Variants in GNS observed in about 807,000 individuals in gnomAD.
GNS encodes N-acetylglucosamine-6-sulfatase.
Under a neutral mutation model 69.7 loss-of-function variants are expected in GNS, and 40 were observed. The observed-to-expected ratio is 0.57, with a 90% CI of 0.45 to 0.75. The LOEUF is 0.75. Among genes scored for constraint, GNS ranks in the 30% least tolerant of loss-of-function variants. The probability of loss-of-function intolerance (pLI) is 0.00; values close to 1 mark genes in which losing one functional copy is unlikely to be tolerated. For missense variants in GNS, 565 were observed against 685.5 expected, an observed-to-expected ratio of 0.82 and a Z score of 1.96; for synonymous variants, 243 against 251.6, an observed-to-expected ratio of 0.97 and a Z score of 0.32.
intron 11 of GNS, among the ~76,000 whole-genome samples, chr12:64,722,322 TGAC>T (rs952080381): frequency 2.6e-5 from 4 of 152,122 alleles, no homozygotes; most frequent in African/African-American, 9.7e-5. Flanking sequence ...CCAGCCCAAA[TGAC>T]TCATTTCTAA....
intron 13 of GNS, among the ~76,000 whole-genome samples, chr12:64,717,518 A>ATTTT (rs57088346): frequency 9.8e-4 from 129 of 131,412 alleles, no homozygotes; most frequent in African/African-American, 2.3e-3. Context: ...CACCTGGCTA[A>ATTTT]TTTTTTTTTT....
At chr12:64,746,491 C>T (rs1048809889) in intron 3 of GNS, among the ~76,000 whole-genome samples, 5 of 152,120 alleles carry the variant, frequency 3.3e-5, no homozygotes, top group South Asian at 2.1e-4. Context: ...AAATCTGAAA[C>T]GCAAAATACT....
At chr12:64,724,703 A>T (rs1592493605) in intron 10 of GNS, among the ~76,000 whole-genome samples, 1 of 152,116 alleles carries the variant, frequency 6.6e-6, no homozygotes, top group African/African-American at 2.4e-5. Context: ...ACTAAAAAAT[A>T]CCAAAAAACT....
At chr12:64,739,617 A>C in intron 7 of GNS, 118 bp from the exon 8 acceptor site, 1 of 659,892 alleles carries the variant, frequency 1.5e-6, no homozygotes, top group Non-Finnish European at 2.7e-6. Context: ...TTAAAAAAAA[A>C]AATCCAAAAC....
At chr12:64,731,762 T>C (rs1869398015) in intron 9 of GNS, among the ~76,000 whole-genome samples, 1 of 152,312 alleles carries the variant, frequency 6.6e-6, no homozygotes, top group Middle Eastern at 3.4e-3. Flanking sequence ...TGCTTTTGTC[T>C]AGTATAAACT....
At chr12:64,755,240 G>A (rs761754636) in intron 1 of GNS, among the ~76,000 whole-genome samples, 2 of 152,084 alleles carry the variant, frequency 1.3e-5, no homozygotes, top group Admixed American at 6.5e-5. Flanking sequence ...GCTCTGAAAC[G>A]ACAATTCTGA....
At chr12:64,736,159 C>A (rs186731061) in intron 9 of GNS, among the ~76,000 whole-genome samples, 34 of 152,344 alleles carry the variant, frequency 2.2e-4, no homozygotes, top group Middle Eastern at 3.4e-3. Context: ...GCTGTCAATT[C>A]TTTTCTCCTG....
At chr12:64,753,891 C>G (rs911722448) in intron 1 of GNS, among the ~76,000 whole-genome samples, 5 of 152,186 alleles carry the variant, frequency 3.3e-5, no homozygotes, top group Admixed American at 6.5e-5. Flanking sequence ...ATACTCTCCT[C>G]AAAGCATCAC....
intron 2 of GNS, among the ~76,000 whole-genome samples, chr12:64,750,784 T>C (rs531468100): frequency 6.6e-6 from 1 of 152,148 alleles, no homozygotes; most frequent in South Asian, 2.1e-4. Context: ...TGCATGCCTG[T>C]AGTCCGAGTT....
At chr12:64,758,497 G>T (rs1870347854) in intron 1 of GNS, among the ~76,000 whole-genome samples, 1 of 151,850 alleles carries the variant, frequency 6.6e-6, no homozygotes, top group African/African-American at 2.4e-5. Context: ...TAGAATTATT[G>T]TATTTCTAGT....
chr12:64,731,863 G>A (rs1257998090), intron 9 of GNS, among the ~76,000 whole-genome samples: 1 of 152,158 alleles, frequency 6.6e-6, no homozygotes, highest in Non-Finnish European at 1.5e-5. Flanking sequence ...TTGAGCTCAG[G>A]AGGCCAAGGC....
intron 3 of GNS, among the ~76,000 whole-genome samples, chr12:64,747,217 C>T (rs1013893629): frequency 6.6e-6 from 1 of 152,176 alleles, no homozygotes; most frequent in Non-Finnish European, 1.5e-5. Flanking sequence ...AATCTCTGCA[C>T]ATTTTGTTGC....
chr12:64,722,376 G>A (rs1314606326), intron 11 of GNS, among the ~76,000 whole-genome samples: 1 of 152,138 alleles, frequency 6.6e-6, no homozygotes, highest in Non-Finnish European at 1.5e-5. Context: ...TGGAGGAGAA[G>A]GCTAAAATGA....
rs758470076 is a variant in GNS, at chr12:64,743,162, CT to C, written c.770del (p.Lys257ArgfsTer13). The C allele has an allele frequency of 6.2e-7, 1 of 1,613,530 alleles. No homozygotes were observed. The highest frequency in any genetic ancestry group is 8.5e-7 in the Non-Finnish European group (1 of 1,179,536). On this transcript the variant is annotated frameshift_variant, in exon 6 of 14. Coordinates refer to ENST00000258145, the MANE Select transcript of GNS (RefSeq NM_002076.4). LOFTEE classifies it high-confidence loss of function. ...CTACCGTTCCATGGATGTTGAAGTT[CT>C]TGTTTCTTGGTGCAAAGACATTCTG... ...AFQNVFAPRN[K>X]NFNIHGTNKH... is the part of the protein sequence containing the mutation.
At chr12:64,755,176 C>T (rs983677239) in intron 1 of GNS, among the ~76,000 whole-genome samples, 2 of 152,118 alleles carry the variant, frequency 1.3e-5, no homozygotes, top group Admixed American at 1.3e-4. Context: ...CAAGCAGAAC[C>T]CTTTTCATTA....
chr12:64,755,377 A>C (rs1227431038), intron 1 of GNS, among the ~76,000 whole-genome samples: 2 of 152,038 alleles, frequency 1.3e-5, no homozygotes, highest in Non-Finnish European at 2.9e-5. Context: ...CAAGAGTTCA[A>C]GATCAGCCTG....
chr12:64,747,834 T>A lies in GNS; in HGVS notation c.337A>T (p.Thr113Ser). The change falls in exon 3 of 14, where the codon ACT (threonine) becomes TCT (serine). Residue 113 changes from threonine (T) to serine (S), a missense_variant. By Grantham distance (58) the Thr-to-Ser change is moderately conservative. This residue lies in a region of GNS where 181 missense variants were observed against 174.4 expected (regional missense o/e 1.04). Coordinates refer to ENST00000258145, the MANE Select transcript of GNS (RefSeq NM_002076.4). ...YPHNHHVVNNTLEGNCSSKSW... is the reference protein window; with the variant it reads ...YPHNHHVVNNSLEGNCSSKSW... ...TTACTACTGCAGTTCCCCTCCAGAG[T>A]GTTGTTCACAACGTGATGATTATGT... 1 of 1,608,802 alleles carries A rather than the reference T, an allele frequency of 6.2e-7. No homozygotes were observed. The highest frequency in any genetic ancestry group is 8.5e-7 in the Non-Finnish European group (1 of 1,175,144).
chr12:64,741,975 T>C (rs1418729150), intron 6 of GNS, among the ~76,000 whole-genome samples: 3 of 152,192 alleles, frequency 2.0e-5, no homozygotes, highest in Admixed American at 6.5e-5. Flanking sequence ...TATTTTACTA[T>C]TTTTTAATTT....
At chr12:64,755,064 G>A (rs569922266) in intron 1 of GNS, among the ~76,000 whole-genome samples, 3 of 152,152 alleles carry the variant, frequency 2.0e-5, no homozygotes, top group African/African-American at 4.8e-5. Flanking sequence ...CCTTAAGATC[G>A]AAGCAAAGAC....
Sources: gnomAD v4.1 joint callset for allele counts (sites outside exome capture counted in the v4.1 genomes callset) on GRCh38, gnomAD v4.1.1 for gene constraint, gnomAD v4.1.1 regional missense constraint, MANE v1.5 for transcripts, NCBI Gene and HGNC (gene_info 2026-07-23, HGNC 2026-07-21) for gene names.